SCN7A: variants seen among roughly 807,000 people sequenced by gnomAD.
SCN7A encodes sodium voltage-gated channel alpha subunit 7.
In SCN7A, 138 loss-of-function variants were observed where a neutral mutation model predicts 155.2. The ratio of observed to expected loss-of-function variants is 0.89; its 90% confidence interval spans 0.77 to 1.02. SCN7A has a LOEUF of 1.02. SCN7A is among the 50% of genes least tolerant of loss of function. The pLI, the probability that SCN7A is intolerant of heterozygous loss-of-function variation, is 0.00. For missense variants in SCN7A, 2,058 were observed against 1,986.6 expected (o/e 1.04, Z -0.68); for synonymous variants, 693 against 649.0 (o/e 1.07, Z -1.03).
intron 8 of SCN7A, 61 bp from the exon 9 acceptor site, chr2:166,465,592 G>A: frequency 1.5e-6 from 2 of 1,335,534 alleles, no homozygotes; most frequent in Admixed American, 2.0e-5. Flanking sequence ...CACAGTAGAA[G>A]TCCATTTGGA....
At chr2:166,436,011 T>C (rs1701830592) in intron 15 of SCN7A, among the ~76,000 whole-genome samples, 1 of 152,202 alleles carries the variant, frequency 6.6e-6, no homozygotes, top group African/African-American at 2.4e-5. Flanking sequence ...ATTTATGTAA[T>C]ATATGAATTA....
chr2:166,412,967 G>C (rs1701233242), intron 22 of SCN7A, 101 bp downstream of exon 22: 1 of 928,738 alleles, frequency 1.1e-6, no homozygotes, highest in East Asian at 2.7e-5. Context: ...AATCTGAACT[G>C]CATTTGATTT....
chr2:166,430,606 A>G (rs1354618849), intron 16 of SCN7A, among the ~76,000 whole-genome samples: 2 of 151,958 alleles, frequency 1.3e-5, no homozygotes, highest in Non-Finnish European at 2.9e-5. Context: ...TAAATCAATT[A>G]AGACTCAAAT....
At chr2:166,468,072 G>C (rs948933559) in intron 7 of SCN7A, among the ~76,000 whole-genome samples, 3 of 151,846 alleles carry the variant, frequency 2.0e-5, no homozygotes, top group African/African-American at 7.3e-5. Flanking sequence ...CAATAAGACT[G>C]TGTCTACTCA....
chr2:166,453,008 C>A (rs542829442), intron 11 of SCN7A, among the ~76,000 whole-genome samples: 3 of 152,050 alleles, frequency 2.0e-5, no homozygotes, highest in Non-Finnish European at 4.4e-5. Flanking sequence ...AACAGCCATG[C>A]GTTCTTGTGT....
chr2:166,475,415 T>A (rs1024539545), intron 3 of SCN7A, among the ~76,000 whole-genome samples: 12 of 151,054 alleles, frequency 7.9e-5, no homozygotes, highest in African/African-American at 2.9e-4. Flanking sequence ...AAAAATAGAC[T>A]ACTTAGTACA....
Position 166,416,946 on chromosome 2 carries a change from A to G in SCN7A, c.3175T>C (p.Leu1059=). ...RALIKTTLPT[L]NVFLVCLMIW... ...ATCAGGCAGACAAGAAACACATTCA[A>G]AGTGGGTAAGGTTGTTTTGATCAAA... Residue 1059 remains leucine, a synonymous_variant, in exon 21 of 26, where the codon TTG becomes CTG. Transcript: ENST00000643258. The G allele has an allele frequency of 1.2e-6, 2 of 1,608,760 alleles. No homozygotes were observed. The highest frequency in any genetic ancestry group is 1.7e-6 in the Non-Finnish European group (2 of 1,177,170).
In SCN7A at chr2:166,462,545, G is replaced by GA. The variant is rs758502278; in HGVS notation, c.942-16dup. On this transcript the variant is annotated splice_polypyrimidine_tract_variant and intron_variant, in intron 9 of 25. Coordinates refer to ENST00000643258, the MANE Select transcript of SCN7A (RefSeq NM_002976.4). ...CAGGACACTGACTAAAGAAGACAAA[G>GA]AAAAAAACCTGCTTACTATTAGGTG... The GA allele has an allele frequency of 5.3e-5, 85 of 1,608,370 alleles. No homozygotes were observed. Among genetic ancestry groups the GA allele is most frequent in the Non-Finnish European group, 9.3e-6 (11 of 1,177,970 alleles).
At chr2:166,479,248 C>A (rs1702867737) in intron 2 of SCN7A, among the ~76,000 whole-genome samples, 2 of 152,100 alleles carry the variant, frequency 1.3e-5, no homozygotes, top group Non-Finnish European at 2.9e-5. Context: ...AATACTTTAA[C>A]ACATTACTTG....
chr2:166,416,446 C>A (rs35844932), intron 21 of SCN7A, among the ~76,000 whole-genome samples: 1 of 152,076 alleles, frequency 6.6e-6, no homozygotes, highest in African/African-American at 2.4e-5. Flanking sequence ...TCACCCCCGG[C>A]GGCCCAGCTG....
intron 9 of SCN7A, among the ~76,000 whole-genome samples, chr2:166,464,734 C>G (rs1017351523): frequency 2.0e-5 from 3 of 152,072 alleles, no homozygotes; most frequent in African/African-American, 7.2e-5. Context: ...CTCCCATCAG[C>G]CTATCCTTAA....
intron 15 of SCN7A, among the ~76,000 whole-genome samples, chr2:166,435,004 A>G (rs1275533876): frequency 6.6e-6 from 1 of 152,154 alleles, no homozygotes; most frequent in Non-Finnish European, 1.5e-5. Flanking sequence ...TAAGGAAATT[A>G]CATCAAAGAT....
chr2:166,483,028 G>T (rs1702965366), intron 2 of SCN7A, among the ~76,000 whole-genome samples: 1 of 151,984 alleles, frequency 6.6e-6, no homozygotes, highest in Non-Finnish European at 1.5e-5. Flanking sequence ...GCTAAAGTAA[G>T]CTTTTGGCAA....
At chr2:166,450,771 C>A (rs544621110) in intron 11 of SCN7A, among the ~76,000 whole-genome samples, 2 of 151,768 alleles carry the variant, frequency 1.3e-5, no homozygotes, top group Non-Finnish European at 2.9e-5. Context: ...TCCAGCCTGG[C>A]GACAGAGTGA....
chr2:166,431,660 C>T (rs748894426), intron 16 of SCN7A, among the ~76,000 whole-genome samples: 1 of 151,988 alleles, frequency 6.6e-6, no homozygotes, highest in African/African-American at 2.4e-5. Flanking sequence ...GCTAAGTGAA[C>T]AGCAGTATCT....
intron 1 of SCN7A, among the ~76,000 whole-genome samples, chr2:166,490,210 CT>C (rs921818822): frequency 3.9e-5 from 6 of 152,220 alleles, no homozygotes; most frequent in African/African-American, 1.4e-4. Flanking sequence ...TGCCTCCTCT[CT>C]AACTGAAATT....
At chr2:166,493,195 C>T (rs547284286) in intron 1 of SCN7A, among the ~76,000 whole-genome samples, 3 of 152,276 alleles carry the variant, frequency 2.0e-5, no homozygotes, top group South Asian at 2.1e-4. Context: ...AGAAGCACCA[C>T]CCAAACTCTT....
At chr2:166,493,579 T>G (rs1332478106) in intron 1 of SCN7A, among the ~76,000 whole-genome samples, 1 of 152,214 alleles carries the variant, frequency 6.6e-6, no homozygotes, top group African/African-American at 2.4e-5. Context: ...GAATAAGAGA[T>G]AGGATTCTTA....
Position 166,452,907 on chromosome 2 carries a change from T to C in SCN7A, c.1290+3963A>G, listed in dbSNP as rs145048781. On this transcript the variant is annotated intron_variant, in intron 11 of 25. Transcript: ENST00000643258. ...TCTGACACTCAATAAACATTTTATG[T>C]GACTGCTATCGTCATTTTTATTGTT... Among the ~76,000 whole-genome samples the C allele has an allele frequency of 1.7e-4, 26 of 152,332 alleles. No homozygotes were observed. The South Asian group carries it at 5.2e-3, about 30-fold the overall frequency.
Sources: allele counts gnomAD v4.1 joint callset (sites outside exome capture counted in the v4.1 genomes callset), GRCh38; gene constraint gnomAD v4.1.1; transcripts MANE v1.5; gene names NCBI Gene and HGNC (gene_info 2026-07-23, HGNC 2026-07-21).